CUL9: variants seen among roughly 807,000 people sequenced by gnomAD.
The protein encoded by CUL9 is cullin 9.
In CUL9, 79 loss-of-function variants were observed where a neutral mutation model predicts 272.6. That is an observed-to-expected ratio of 0.29 (90% confidence interval 0.24 to 0.35). The LOEUF (loss-of-function observed/expected upper bound fraction) is 0.35, where lower values mean the gene tolerates loss of function less well. CUL9 is among the 10% of genes least tolerant of loss of function. The pLI is 1.00. For missense variants in CUL9, 2,532 were observed against 3,255.6 expected, an observed-to-expected ratio of 0.78 and a Z score of 5.41; for synonymous variants, 1,186 against 1,286.5, an observed-to-expected ratio of 0.92 and a Z score of 1.67.
chr6:43,214,129 A>G (rs1325186247), intron 29 of CUL9, among the ~76,000 whole-genome samples: 1 of 152,248 alleles, frequency 6.6e-6, no homozygotes, highest in Non-Finnish European at 1.5e-5. Flanking sequence ...TGATTAAGTC[A>G]TTTAATCCAG....
Position 43,196,435 on chromosome 6 carries a change from A to G in CUL9, c.2585+170A>G, listed in dbSNP as rs1774002540. On this transcript the variant is annotated intron_variant, in intron 10 of 40. Transcript: ENST00000252050. ...GGAGGAGAACCCAAGTGGATTGGGG[A>G]TAGGGAGATTCCCAGAGAGGGCAGA... 12 of 782,600 alleles carry G rather than the reference A, an allele frequency of 1.5e-5. No homozygotes were observed. The South Asian group carries it at 2.1e-4, about 14-fold the overall frequency. The allele number at this position is 782,600 out of a possible 1,614,324, so 48.5% of individuals were successfully genotyped here.
intron 11 of CUL9, 118 bp downstream of exon 11, chr6:43,196,980 C>T (rs573818419): frequency 4.8e-5 from 39 of 807,860 alleles, no homozygotes; most frequent in Non-Finnish European, 5.5e-5. Flanking sequence ...GCATTGTGCT[C>T]AAGTTAGGTC....
chr6:43,202,910 G>A, intron 17 of CUL9, 89 bp downstream of exon 17: 1 of 1,353,622 alleles, frequency 7.4e-7, no homozygotes, highest in Non-Finnish European at 1.1e-6. Flanking sequence ...CTGGGGAATG[G>A]TGACATCCCT....
In CUL9 at chr6:43,223,508, C is replaced by G; in HGVS notation, c.7284+111C>G. 2 of 1,408,114 alleles carry G rather than the reference C, an allele frequency of 1.4e-6. No individual in the cohort carries two copies. Among genetic ancestry groups the G allele is most frequent in the East Asian group, 2.5e-5 (1 of 39,778 alleles). The allele number at this position is 1,408,114 out of a possible 1,614,324, so 87.2% of individuals were successfully genotyped here. On this transcript the variant is annotated intron_variant, in intron 39 of 40. Coordinates refer to ENST00000252050, the MANE Select transcript of CUL9 (RefSeq NM_015089.4). The surrounding 1 kb of genome is among the most constrained non-coding windows in gnomAD (Gnocchi z 4.1). ...GAGTCCAGAAGGAAAGGCAGCAAAG[C>G]GGGTGAATGGATGTTAGACCTGGGC...
In CUL9 at chr6:43,202,999, C is replaced by T. The variant is rs371420927; in HGVS notation, c.3754-110C>T. 4.3e-5 allele frequency: 56 copies of T among 1,298,806 alleles called. 1 individual carries two copies. The Middle Eastern group carries it at 1.0e-3, about 24-fold the overall frequency. 80.5% of individuals were successfully genotyped at this position (1,298,806 alleles called of 1,614,324 possible). Reference sequence around the variant, plus strand: ...GAGCCACGTCCATCCCTAGGCTCTGCGGGAGAAGTGAAGGGCACACACCAT... The same window carrying T: ...GAGCCACGTCCATCCCTAGGCTCTGTGGGAGAAGTGAAGGGCACACACCAT... On this transcript the variant is annotated intron_variant, in intron 17 of 40. Transcript: ENST00000252050.
chr6:43,196,941 G>C, intron 11 of CUL9, 79 bp downstream of exon 11: 1 of 1,212,068 alleles, frequency 8.3e-7, no homozygotes, highest in Non-Finnish European at 1.2e-6. Context: ...TTACTGGAAA[G>C]ATACAAGGAA....
intron 16 of CUL9, among the ~76,000 whole-genome samples, chr6:43,201,604 C>T (rs533143526): frequency 3.8e-4 from 58 of 152,298 alleles, no homozygotes; most frequent in African/African-American, 1.0e-3. Flanking sequence ...CTCAGCCTCC[C>T]GAGTAGCTGG....
intron 26 of CUL9, 190 bp from the exon 27 acceptor site, chr6:43,212,959 C>T (rs1289216555): frequency 1.6e-5 from 10 of 622,146 alleles, no homozygotes; most frequent in South Asian, 6.0e-5. Flanking sequence ...CCTAGATACC[C>T]GTGGCTCATC....
In CUL9 at chr6:43,220,797, C is replaced by T; in HGVS notation, c.6474C>T (p.Thr2158=). 1 of 1,613,524 alleles carries T rather than the reference C, an allele frequency of 6.2e-7. No individual in the cohort carries two copies. Among genetic ancestry groups the T allele is most frequent in the African/African-American group, 1.3e-5 (1 of 75,048 alleles). ...ATGTGGAGAGCTGCTCCAACCTGAC[C>T]TGGTGCACCAACCCCCAGGGCTGCG... The part of the protein sequence containing the change: ...RGYVESCSNL[T]WCTNPQGCDR... The change falls in exon 33 of 41, where the codon ACC becomes ACT. Residue 2158 remains threonine (T), a synonymous_variant. Coordinates refer to ENST00000252050, the MANE Select transcript of CUL9 (RefSeq NM_015089.4). This position sits in a 1 kb window ranked among gnomAD's most constrained non-coding sequence, Gnocchi z 4.9.
Position 43,213,792 on chromosome 6 carries a change from C to G in CUL9, c.5568C>G (p.Asn1856Lys), listed in dbSNP as rs756385330. Residue 1856 changes from asparagine to lysine, a missense_variant, in exon 29 of 41, where the codon AAC becomes AAG. Around this residue, in one of 3 missense-constraint regions of CUL9, gnomAD observed 2,218 missense variants for 2,788.6 expected, o/e 0.80. Transcript: ENST00000252050. The surrounding 1 kb of genome is among the most constrained non-coding windows in gnomAD (Gnocchi z 5.7). ...TGATACCTCCCCAGGCATACCTGAA[C>G]GTAGAGAAGGATGAAGGCCGAACCC... ...LWLIPPQAYLNVEKDEGRTLE... is the reference protein window; with the variant it reads ...LWLIPPQAYLKVEKDEGRTLE... 5.0e-6 allele frequency: 8 copies of G among 1,614,120 alleles called. No individual in the cohort carries two copies. The highest frequency in any genetic ancestry group is 5.9e-6 in the Non-Finnish European group (7 of 1,180,032).
chr6:43,223,274 G>A lies in CUL9; in HGVS notation c.7161G>A (p.Leu2387=), dbSNP rs1776524927. ...CTGCCCCCTCTGCAGAGGAAACCCT[G>A]CTGCGGTGCAGAGACCTGGCCTCCT... ...NALQILLEET[L]LRCRDLASSL... The change falls in exon 39 of 41, where the codon CTG becomes CTA. Residue 2387 remains leucine (L), a synonymous_variant. Transcript: ENST00000252050. This position sits in a 1 kb window ranked among gnomAD's most constrained non-coding sequence, Gnocchi z 4.1. The A allele has an allele frequency of 1.3e-6, 2 of 1,598,524 alleles. No individual in the cohort carries two copies. The highest frequency in any genetic ancestry group is 1.7e-6 in the Non-Finnish European group (2 of 1,172,246).
intron 29 of CUL9, 108 bp downstream of exon 29, chr6:43,214,020 TC>T: frequency 8.9e-7 from 1 of 1,124,622 alleles, no homozygotes; most frequent in Non-Finnish European, 1.3e-6. Context: ...GGGTGACATT[TC>T]CATCTGGGTT....
At chr6:43,196,379 T>C in intron 10 of CUL9, 114 bp downstream of exon 10, 1 of 1,095,936 alleles carries the variant, frequency 9.1e-7, no homozygotes, top group South Asian at 1.6e-5. Context: ...CACCTCCGGA[T>C]TAAGCATTGG....
Position 43,184,213 on chromosome 6 carries a change from C to T in CUL9, c.-9-89C>T. 1 of 1,038,174 alleles carries T rather than the reference C, an allele frequency of 9.6e-7. No homozygotes were observed. The highest frequency in any genetic ancestry group is 2.8e-5 in the East Asian group (1 of 35,850). The allele number at this position is 1,038,174 out of a possible 1,614,324, so 64.3% of individuals were successfully genotyped here. A position where few individuals can be genotyped will look rare whatever the true frequency, so the allele number is the denominator to read the frequency against. On this transcript the variant is annotated intron_variant, in intron 1 of 40. Coordinates refer to ENST00000252050, the MANE Select transcript of CUL9 (RefSeq NM_015089.4). The surrounding 1 kb of genome is among the most constrained non-coding windows in gnomAD (Gnocchi z 4.8). ...TACCATGCAGCCTACCGATCACCAC[C>T]CACCTTCTCTGTGTCTCAAGATTCC...
chr6:43,205,488 T>G (rs766491923), intron 24 of CUL9, 65 bp downstream of exon 24: 1 of 1,555,344 alleles, frequency 6.4e-7, no homozygotes, highest in Non-Finnish European at 8.8e-7. Flanking sequence ...AAGATTTGAG[T>G]CTTATAGGGG....
intron 8 of CUL9, among the ~76,000 whole-genome samples, chr6:43,192,354 A>G (rs908991434): frequency 1.3e-5 from 2 of 151,634 alleles, no homozygotes; most frequent in African/African-American, 4.8e-5. Context: ...GACTACCACT[A>G]TTTTTTTCTC....
intron 30 of CUL9, 84 bp downstream of exon 30, chr6:43,215,410 C>A: frequency 6.7e-7 from 1 of 1,492,992 alleles, no homozygotes; most frequent in East Asian, 2.3e-5. Context: ...AAACACTTCC[C>A]TTCTTTCTTT....
At position 43,209,148 on chromosome 6, in the gene CUL9, T is replaced by TTTC. The variant is rs1775267846; in HGVS notation, c.5212+2640_5212+2641insCTT. Among the ~76,000 whole-genome samples, 3 of 113,234 alleles carry TTTC rather than the reference T, an allele frequency of 2.6e-5. No individual in the cohort carries two copies. The South Asian group carries it at 8.0e-4, about 30-fold the overall frequency. The allele number at this position is 113,234 out of a possible 152,430, so 74.3% of individuals were successfully genotyped here. A position where few individuals can be genotyped will look rare whatever the true frequency, so the allele number is the denominator to read the frequency against. Reference sequence around the variant, plus strand: ...TTCTAATTTTTTCTTTCTTTCTTTCTTTTTTTTTTTTTTTGGAAACGGAGT... The same window carrying TTTC: ...TTCTAATTTTTTCTTTCTTTCTTTCTTTCTTTTTTTTTTTTTTGGAAACGGAGT... On this transcript the variant is annotated intron_variant, in intron 26 of 40. Transcript: ENST00000252050.
chr6:43,200,367 CT>C lies in CUL9; in HGVS notation c.3385-68del. The C allele has an allele frequency of 6.2e-7, 1 of 1,612,494 alleles. No homozygotes were observed. Among genetic ancestry groups the C allele is most frequent in the Non-Finnish European group, 8.5e-7 (1 of 1,178,678 alleles). On this transcript the variant is annotated intron_variant, in intron 14 of 40. Coordinates refer to ENST00000252050, the MANE Select transcript of CUL9 (RefSeq NM_015089.4). This position sits in a 1 kb window ranked among gnomAD's most constrained non-coding sequence, Gnocchi z 4.0. ...TTGACCCTTGACTTTTTCTCTCTAC[CT>C]GTTTCTGGGCATTTCTCTGTGTTCC...
Sources: gnomAD v4.1 joint callset for allele counts (sites outside exome capture counted in the v4.1 genomes callset) on GRCh38, gnomAD v4.1.1 for gene constraint, gnomAD v4.1.1 regional missense constraint, Gnocchi (gnomAD v3.1) non-coding constraint, MANE v1.5 for transcripts, NCBI Gene and HGNC (gene_info 2026-07-23, HGNC 2026-07-21) for gene names.